Variants in DMRTC1 observed in about 807,000 individuals in gnomAD.
DMRTC1 encodes doublesex- and mab-3-related transcription factor C1.
For missense variants in DMRTC1, 9 were observed against 34.6 expected (o/e 0.26, Z 1.86); for synonymous variants, 7 against 14.1 (o/e 0.50, Z 1.13).
At chrX:72,916,394 C>A (rs1251610591) in intron 1 of DMRTC1, among the ~76,000 whole-genome samples, 1 of 107,698 alleles carries the variant, frequency 9.3e-6, no homozygotes, top group African/African-American at 3.8e-5. Context: ...TGAGTTACAG[C>A]CCATGCTCTT....
chrX:72,879,378 TC>T (rs2054830305), intron 1 of DMRTC1, among the ~76,000 whole-genome samples: 26 of 40,902 alleles, frequency 6.4e-4, no homozygotes, highest in African/African-American at 2.3e-3. Flanking sequence ...TCCCTTCCCT[TC>T]CCTTCCCTTC....
chrX:72,879,372 T>TTCCCG (rs1311666557), intron 1 of DMRTC1, among the ~76,000 whole-genome samples: 15 of 39,458 alleles, frequency 3.8e-4, no homozygotes, highest in Non-Finnish European at 1.9e-4. Context: ...TTCCCTTCCC[T>TTCCCG]TCCCTTCCCT....
intron 1 of DMRTC1, among the ~76,000 whole-genome samples, chrX:72,879,799 T>C (rs2054837491): frequency 1.9e-5 from 2 of 103,889 alleles, no homozygotes; most frequent in South Asian, 9.7e-4. Flanking sequence ...TTCTCCTTCC[T>C]TCCTTCCTCC....
chrX:72,905,733 C>T (rs1397517011), intron 1 of DMRTC1, among the ~76,000 whole-genome samples: 2 of 63,338 alleles, frequency 3.2e-5, no homozygotes, highest in Non-Finnish European at 2.7e-5. Flanking sequence ...ATCTCCTCAC[C>T]TCGTGATCCA....
chrX:72,913,285 C>A (rs2054965946), intron 1 of DMRTC1: 7 of 853,000 alleles, frequency 8.2e-6, no homozygotes, highest in African/African-American at 2.2e-5. Context: ...CTGAGACCAC[C>A]GGAGCCACAG....
At chrX:72,879,766 T>C (rs1208900600) in intron 1 of DMRTC1, among the ~76,000 whole-genome samples, 6 of 114,312 alleles carry the variant, frequency 5.2e-5, no homozygotes, top group Non-Finnish European at 1.9e-5. Context: ...CCTTTCTTTC[T>C]CCCTTTCTCT....
intron 1 of DMRTC1, among the ~76,000 whole-genome samples, chrX:72,887,005 T>TG (rs1454298281): frequency 1.1e-5 from 1 of 92,516 alleles, no homozygotes; most frequent in Non-Finnish European, 2.1e-5. Context: ...CTACTGTAAA[T>TG]GGGGTTGCCC....
At chrX:72,913,113 G>GC (rs2054963409) in intron 1 of DMRTC1, 1 of 483,898 alleles carries the variant, frequency 2.1e-6, no homozygotes, top group Non-Finnish European at 3.7e-6. Flanking sequence ...CTCCTTCGGA[G>GC]CCAGCCTCTG....
chrX:72,879,988 G>A (rs2054840708), intron 1 of DMRTC1, among the ~76,000 whole-genome samples: 1 of 62,823 alleles, frequency 1.6e-5, no homozygotes, highest in South Asian at 1.2e-3. Flanking sequence ...CACCTCCTGG[G>A]CTCAAGCAAT....
intron 1 of DMRTC1, chrX:72,912,859 A>G: frequency 2.0e-6 from 1 of 504,007 alleles, no homozygotes; most frequent in East Asian, 3.6e-5. Context: ...CCGGAGATGC[A>G]CACAACAGTT....
intron 1 of DMRTC1, among the ~76,000 whole-genome samples, chrX:72,886,811 T>G (rs2054880152): frequency 1.7e-5 from 1 of 58,290 alleles, no homozygotes; most frequent in African/African-American, 7.9e-5. Flanking sequence ...ATTGAATCTG[T>G]AGATTGTTTT....
chrX:72,872,378 G>C lies in DMRTC1; in HGVS notation c.*74C>G. 1.8e-6 allele frequency: 1 copy of C among 562,800 alleles called. No homozygotes were observed. Among genetic ancestry groups the C allele is most frequent in the Non-Finnish European group, 2.7e-6 (1 of 377,056 alleles). The allele number at this position is 562,800 out of a possible 1,213,427, so 46.4% of individuals were successfully genotyped here. A position where few individuals can be genotyped will look rare whatever the true frequency, so the allele number is the denominator to read the frequency against. On this transcript the variant is annotated 3_prime_UTR_variant, in exon 7 of 7. Transcript: ENST00000615063. The stretch of plus-strand genomic sequence containing the variant: ...AAAAAAGACGTTAAGCGTTTTGGAC[G>C]TTAACCATTTTGCACATTCAGAAAC...
chrX:72,916,367 G>C (rs373097727), intron 1 of DMRTC1, among the ~76,000 whole-genome samples: 2 of 108,280 alleles, frequency 1.8e-5, no homozygotes, highest in East Asian at 2.9e-4. Context: ...ACAAATCTAG[G>C]GGGTCCTATT....
At chrX:72,879,147 G>GTTTTTTT (rs781972795) in intron 1 of DMRTC1, among the ~76,000 whole-genome samples, 6 of 12,801 alleles carry the variant, frequency 4.7e-4, no homozygotes, top group Admixed American at 1.7e-3. Context: ...TTTTTTGTTT[G>GTTTTTTT]TTTTTTTTTT....
rs782053336 is a variant in DMRTC1 at position 72,877,043 on chromosome X, ATT to A, written c.-94-1257_-94-1256del. 3.4e-3 allele frequency among the ~76,000 whole-genome samples: 320 copies of A among 93,578 alleles called. 1 individual carries two copies. The highest frequency in any genetic ancestry group is 0.012 in the Middle Eastern group (2 of 161). The allele number at this position is 93,578 out of a possible 115,157, so 81.3% of individuals were successfully genotyped here. A position where few individuals can be genotyped will look rare whatever the true frequency, so the allele number is the denominator to read the frequency against. On this transcript the variant is annotated intron_variant, in intron 1 of 6. Transcript: ENST00000615063. ...CCACCACGCCTGGCTAATTTTTTGT[ATT>A]TTTTTTTTTTTTAGACGGAGTCTCG...
intron 1 of DMRTC1, among the ~76,000 whole-genome samples, chrX:72,880,659 T>TTTG (rs1569461353): frequency 2.3e-4 from 3 of 13,246 alleles, no homozygotes; most frequent in East Asian, 9.1e-3. Flanking sequence ...TTGCTTTTTC[T>TTTG]CTTTGCTTTG....
chrX:72,905,886 A>G (rs1218982964), intron 1 of DMRTC1, among the ~76,000 whole-genome samples: 1 of 114,063 alleles, frequency 8.8e-6, no homozygotes, highest in Non-Finnish European at 1.9e-5. Flanking sequence ...ATAAAAAATT[A>G]GAGCAGAAAT....
chrX:72,872,319 T>A lies in DMRTC1; in HGVS notation c.*133A>T. 2.7e-6 allele frequency: 1 copy of A among 375,404 alleles called. No homozygotes were observed. Among genetic ancestry groups the A allele is most frequent in the African/African-American group, 5.2e-5 (1 of 19,355 alleles). 30.9% of individuals were successfully genotyped at this position (375,404 alleles called of 1,213,427 possible). A position where few individuals can be genotyped will look rare whatever the true frequency, so the allele number is the denominator to read the frequency against. ...CCCTCAGCCAAGGAGTTGCCCCATA[T>A]AATAAAAAGCTTATAAAACACCTGA... On this transcript the variant is annotated 3_prime_UTR_variant, in exon 7 of 7. Coordinates refer to ENST00000615063, the MANE Select transcript of DMRTC1 (RefSeq NM_033053.3).
chrX:72,874,679 C>T (rs1556351358), intron 4 of DMRTC1, 146 bp downstream of exon 4: 16 of 951,129 alleles, frequency 1.7e-5, no homozygotes, highest in Admixed American at 3.4e-5. Context: ...TCTCCCTCCT[C>T]CTCCTCCTCC....
Sources: gnomAD v4.1 joint callset for allele counts (sites outside exome capture counted in the v4.1 genomes callset) on GRCh38, gnomAD v4.1.1 for gene constraint, MANE v1.5 for transcripts, NCBI Gene and HGNC (gene_info 2026-07-23, HGNC 2026-07-21) for gene names.